Variants in ANXA4 observed in about 807,000 individuals in gnomAD.
ANXA4 encodes 35-beta calcimedin.
ANXA4 carries 39 observed loss-of-function variants against 49.8 expected under a neutral mutation model. That is an observed-to-expected ratio of 0.78 (90% CI 0.61 to 1.02). ANXA4 has a LOEUF of 1.02. ANXA4 is among the 50% of genes least tolerant of loss of function. ANXA4 has a pLI of 0.00. For missense variants in ANXA4, 360 were observed against 410.1 expected, an observed-to-expected ratio of 0.88 and a Z score of 1.05; for synonymous variants, 134 against 152.5, an observed-to-expected ratio of 0.88 and a Z score of 0.89.
intron 5 of ANXA4, among the ~76,000 whole-genome samples, chr2:69,806,851 G>A (rs1305656769): frequency 2.0e-5 from 3 of 152,132 alleles, no homozygotes; most frequent in African/African-American, 7.2e-5. Context: ...GAGGATGGAG[G>A]GTGGGAGGAG....
chr2:69,723,188 C>CG (rs1553434929), intron 3 of ANXA4, among the ~76,000 whole-genome samples: 5 of 114,172 alleles, frequency 4.4e-5, no homozygotes, highest in African/African-American at 1.7e-4. Context: ...AAGACTGTCT[C>CG]AAAAAAAAAA....
At chr2:69,673,417 A>G (rs962406441) in intron 2 of ANXA4, among the ~76,000 whole-genome samples, 7 of 145,982 alleles carry the variant, frequency 4.8e-5, no homozygotes, top group African/African-American at 1.8e-4. Context: ...AAAACCAAAC[A>G]CTGCATGTTC....
At chr2:69,799,315 A>T (rs1673085646) in intron 3 of ANXA4, among the ~76,000 whole-genome samples, 1 of 152,170 alleles carries the variant, frequency 6.6e-6, no homozygotes, top group African/African-American at 2.4e-5. Context: ...CTAAAGGGAA[A>T]GGAATGTGCT....
chr2:69,811,875 C>T (rs1490965500), intron 7 of ANXA4, among the ~76,000 whole-genome samples: 1 of 152,130 alleles, frequency 6.6e-6, no homozygotes, highest in East Asian at 1.9e-4. Context: ...CTTTTCCTCC[C>T]ATATTTACCA....
chr2:69,773,024 GAAA>G (rs1186424078), intron 1 of ANXA4, among the ~76,000 whole-genome samples: 8 of 133,238 alleles, frequency 6.0e-5, no homozygotes, highest in African/African-American at 2.7e-4. Context: ...AAAAAAAAAA[GAAA>G]GAAAGAAAGA....
At chr2:69,643,854 C>T (rs1675880114), upstream of ANXA4, 1 of 1,179,292 alleles carries the variant, frequency 8.5e-7, no homozygotes, top group East Asian at 3.8e-5. Flanking sequence ...CGGGGCCTCT[C>T]CTGCAACCGC....
Position 69,804,593 on chromosome 2 carries a change from A to C in ANXA4, c.158A>C (p.Glu53Ala). ...LAYRNTAQRQ[E>A]IRTAYKSTIG... is the part of the protein sequence containing the mutation. ...TACCGCAACACCGCCCAGCGCCAGG[A>C]GATCAGGACAGCCTACAAGAGCACC... Residue 53 changes from glutamate (E) to alanine (A), a missense_variant, in exon 4 of 13, where the codon GAG (glutamate) becomes GCG (alanine). Coordinates refer to ENST00000394295, the MANE Select transcript of ANXA4 (RefSeq NM_001153.5). 6.2e-7 allele frequency: 1 copy of C among 1,613,846 alleles called. No individual in the cohort carries two copies. Among genetic ancestry groups the C allele is most frequent in the Non-Finnish European group, 8.5e-7 (1 of 1,179,892 alleles).
chr2:69,666,376 C>T (rs1472708298), intron 2 of ANXA4, among the ~76,000 whole-genome samples: 2 of 152,170 alleles, frequency 1.3e-5, no homozygotes, highest in African/African-American at 2.4e-5. Flanking sequence ...CTGGAACTTT[C>T]ATACAATGCT....
intron 8 of ANXA4, among the ~76,000 whole-genome samples, chr2:69,813,422 T>C (rs1673796591): frequency 1.3e-5 from 2 of 152,158 alleles, no homozygotes. Context: ...CTAATTTTTT[T>C]CTATTTTTAG....
At chr2:69,791,157 AGGTTCC>A (rs747392281) in intron 3 of ANXA4, among the ~76,000 whole-genome samples, 3 of 152,116 alleles carry the variant, frequency 2.0e-5, no homozygotes, top group South Asian at 4.1e-4. Flanking sequence ...TTCCTTCTTG[AGGTTCC>A]AGAAGCATGG....
intron 2 of ANXA4, among the ~76,000 whole-genome samples, chr2:69,674,668 G>GA (rs1434290665): frequency 6.6e-6 from 1 of 152,018 alleles, no homozygotes. Context: ...TTTTAGGGAG[G>GA]AAAAAGAAAC....
chr2:69,651,579 T>G (rs1676235044), intron 1 of ANXA4, among the ~76,000 whole-genome samples: 1 of 151,938 alleles, frequency 6.6e-6, no homozygotes, highest in South Asian at 2.1e-4. Flanking sequence ...CTCGGCTCAC[T>G]GCAAGCTCCG....
chr2:69,645,627 C>T (rs1347143550), intron 1 of ANXA4, among the ~76,000 whole-genome samples: 2 of 152,174 alleles, frequency 1.3e-5, no homozygotes, highest in East Asian at 1.9e-4. Context: ...AATCTCAAGT[C>T]TTACTTCAGT....
rs1432013418 is a variant in ANXA4, at chr2:69,826,768, C to A, written c.*1253C>A. The A allele has an allele frequency of 7.2e-6, 1 of 139,452 alleles. No individual in the cohort carries two copies. Among genetic ancestry groups the A allele is most frequent in the African/African-American group, 2.7e-5 (1 of 37,024 alleles). The allele number at this position is 139,452 out of a possible 1,614,324, so 8.6% of individuals were successfully genotyped here. ...GATCACGCCAGCCTGGGCGACAGAGCGAGAATCCATCTAAAAAAAAAAAAA... is the reference window on the plus strand; with the variant it reads ...GATCACGCCAGCCTGGGCGACAGAGAGAGAATCCATCTAAAAAAAAAAAAA... On this transcript the variant is annotated 3_prime_UTR_variant, in exon 13 of 13. Transcript: ENST00000394295.
chr2:69,818,998 A>T (rs1674119380), intron 10 of ANXA4, among the ~76,000 whole-genome samples: 1 of 152,254 alleles, frequency 6.6e-6, no homozygotes, highest in African/African-American at 2.4e-5. Context: ...ACTGTCTCAT[A>T]TGGCAGATAC....
chr2:69,703,467 C>T (rs1001505111), intron 2 of ANXA4, among the ~76,000 whole-genome samples: 9 of 152,170 alleles, frequency 5.9e-5, no homozygotes, highest in African/African-American at 2.2e-4. Context: ...TACTTTGTCT[C>T]TATGGATTCC....
chr2:69,804,370 C>G (rs1313817188), intron 3 of ANXA4, among the ~76,000 whole-genome samples, 163 bp from the exon 4 acceptor site: 1 of 152,154 alleles, frequency 6.6e-6, no homozygotes, highest in Non-Finnish European at 1.5e-5. Flanking sequence ...AGTCCCGAAC[C>G]TAGCATCTGT....
chr2:69,759,601 TCA>T (rs1671192034), intron 1 of ANXA4, among the ~76,000 whole-genome samples: 1 of 152,114 alleles, frequency 6.6e-6, no homozygotes, highest in South Asian at 2.1e-4. Context: ...GTTTATCAGA[TCA>T]CACAGTTTAC....
intron 1 of ANXA4, among the ~76,000 whole-genome samples, chr2:69,649,892 G>A (rs1455326177): frequency 6.7e-6 from 1 of 148,162 alleles, no homozygotes; most frequent in Non-Finnish European, 1.5e-5. Context: ...AAACTGCTGG[G>A]ATTAAAGGTG....
Sources: gnomAD v4.1 joint callset for allele counts (sites outside exome capture counted in the v4.1 genomes callset) on GRCh38, gnomAD v4.1.1 for gene constraint, MANE v1.5 for transcripts, NCBI Gene and HGNC (gene_info 2026-07-23, HGNC 2026-07-21) for gene names.